The following MCM9 variants were observed in gnomAD, a reference collection of about 807,000 sequenced individuals.
MCM9 encodes the protein minichromosome maintenance 9 homologous recombination repair factor.
A neutral mutation model predicts 72.8 loss-of-function variants in MCM9; 55 were observed. The ratio of observed to expected loss-of-function variants is 0.76; its 90% CI spans 0.61 to 0.95. The LOEUF (loss-of-function observed/expected upper bound fraction) is 0.95, where lower values mean the gene tolerates loss of function less well. Ranked by LOEUF, MCM9 falls within the 40% of genes least tolerant of loss-of-function variation. The probability of loss-of-function intolerance (pLI) is 0.00; values close to 1 mark genes in which losing one functional copy is unlikely to be tolerated. For synonymous variants in MCM9, 480 were observed against 503.4 expected (o/e 0.95, Z 0.62); for missense variants, 1,279 against 1,377.0 (o/e 0.93, Z 1.13).
At chr6:118,914,469 T>C (rs1341860741) in intron 6 of MCM9, among the ~76,000 whole-genome samples, 3 of 152,154 alleles carry the variant, frequency 2.0e-5, no homozygotes, top group Non-Finnish European at 4.4e-5. Flanking sequence ...AACTAATCTA[T>C]GATGATGTGG....
chr6:118,865,601 C>G (rs1777168997), intron 8 of MCM9, among the ~76,000 whole-genome samples: 1 of 152,200 alleles, frequency 6.6e-6, no homozygotes, highest in Non-Finnish European at 1.5e-5. Flanking sequence ...TTCTAATGGA[C>G]TTGCACTGGG....
chr6:118,917,613 G>C lies in MCM9; in HGVS notation c.852C>G (p.Val284=). 6.2e-7 allele frequency: 1 copy of C among 1,614,010 alleles called. No individual in the cohort carries two copies. The stretch of plus-strand genomic sequence containing the variant: ...CCCAAAAATCTTCGAATTCCTTTTG[G>C]ACCTCCTCATCCATGATGATCCCTG... ...QSSGIIMDEE[V]QKEFEDFWEY... is the part of the protein sequence containing the mutation. Residue 284 remains valine, a synonymous_variant, in exon 6 of 14, where the codon GTC becomes GTG. Transcript: ENST00000619706.
intron 9 of MCM9, among the ~76,000 whole-genome samples, chr6:118,836,241 TC>T (rs1774949885): frequency 6.6e-6 from 1 of 152,232 alleles, no homozygotes. Flanking sequence ...GCTTCTGGAT[TC>T]AGTTTGCCAG....
chr6:118,849,845 A>G (rs959912573), intron 9 of MCM9, among the ~76,000 whole-genome samples: 1 of 151,872 alleles, frequency 6.6e-6, no homozygotes, highest in African/African-American at 2.4e-5. Flanking sequence ...ATAAACAGGC[A>G]CACATACCTA....
intron 8 of MCM9, among the ~76,000 whole-genome samples, chr6:118,871,782 C>T (rs1777613879): frequency 6.6e-6 from 1 of 151,942 alleles, no homozygotes; most frequent in Non-Finnish European, 1.5e-5. Flanking sequence ...TGTTGGGCCC[C>T]TGTAGTCCCA....
chr6:118,864,131 T>G (rs930946922), intron 8 of MCM9, among the ~76,000 whole-genome samples: 17 of 152,096 alleles, frequency 1.1e-4, no homozygotes, highest in Non-Finnish European at 2.4e-4. Flanking sequence ...TCTTTAGTGC[T>G]GATTTCTGAG....
At chr6:118,851,401 C>T (rs1184331366) in intron 9 of MCM9, among the ~76,000 whole-genome samples, 1 of 151,636 alleles carries the variant, frequency 6.6e-6, no homozygotes, top group Non-Finnish European at 1.5e-5. Context: ...ATAAAAGGTA[C>T]AAACCACTGA....
At chr6:118,856,240 G>A (rs1776545212) in intron 9 of MCM9, 131 bp downstream of exon 9, 1 of 789,060 alleles carries the variant, frequency 1.3e-6, no homozygotes. Context: ...TCTAATGTGT[G>A]TCTTGAAGGG....
At chr6:118,878,750 T>A (rs1778096646) in intron 8 of MCM9, among the ~76,000 whole-genome samples, 1 of 151,926 alleles carries the variant, frequency 6.6e-6, no homozygotes, top group Non-Finnish European at 1.5e-5. Flanking sequence ...AGAAAATATA[T>A]ATTTAATATA....
chr6:118,887,834 T>C (rs1292429053), intron 8 of MCM9, among the ~76,000 whole-genome samples: 1 of 152,098 alleles, frequency 6.6e-6, no homozygotes, highest in East Asian at 1.9e-4. Flanking sequence ...CATGGTGGCA[T>C]GCTCCTGTAG....
At chr6:118,932,102 T>C (rs1782487412) in intron 2 of MCM9, among the ~76,000 whole-genome samples, 1 of 152,234 alleles carries the variant, frequency 6.6e-6, no homozygotes, top group Admixed American at 6.5e-5. Flanking sequence ...TCTCATAAGA[T>C]TACAATACTG....
chr6:118,891,450 A>G (rs1005751664), intron 8 of MCM9, among the ~76,000 whole-genome samples: 7 of 152,330 alleles, frequency 4.6e-5, no homozygotes, highest in African/African-American at 1.7e-4. Flanking sequence ...ACTTTCTCAC[A>G]GTTCTGGAAG....
intron 8 of MCM9, among the ~76,000 whole-genome samples, chr6:118,886,600 G>A (rs954380186): frequency 7.2e-5 from 11 of 152,004 alleles, no homozygotes; most frequent in South Asian, 4.1e-4. Context: ...CATTACAATA[G>A]CATCAAAAAG....
At chr6:118,907,575 A>G in intron 8 of MCM9, 5 of 1,613,350 alleles carry the variant, frequency 3.1e-6, no homozygotes, top group Non-Finnish European at 4.2e-6. Context: ...CAGAAAACTC[A>G]CTAAATGTCA....
intron 9 of MCM9, among the ~76,000 whole-genome samples, chr6:118,835,118 T>C (rs1174062747): frequency 6.6e-6 from 1 of 152,226 alleles, no homozygotes; most frequent in Non-Finnish European, 1.5e-5. Flanking sequence ...AATTTCCCCA[T>C]TGCTTGTTTT....
chr6:118,894,497 C>T, intron 8 of MCM9: 9 of 1,537,182 alleles, frequency 5.9e-6, no homozygotes, highest in South Asian at 1.2e-5. Context: ...AGATCACCTT[C>T]GAGTGCATCG....
chr6:118,916,137 G>A (rs553146218), intron 6 of MCM9, among the ~76,000 whole-genome samples: 1 of 151,672 alleles, frequency 6.6e-6, no homozygotes, highest in African/African-American at 2.4e-5. Flanking sequence ...AGGATCGCTT[G>A]AGCCTAGGAG....
chr6:118,888,294 G>A (rs969717191), intron 8 of MCM9, among the ~76,000 whole-genome samples: 3 of 152,124 alleles, frequency 2.0e-5, no homozygotes, highest in Non-Finnish European at 4.4e-5. Context: ...AGACCATCCT[G>A]GCTAACACCG....
intron 8 of MCM9, chr6:118,910,795 C>T: frequency 1.0e-6 from 1 of 985,358 alleles, no homozygotes; most frequent in Non-Finnish European, 1.2e-6. Context: ...ATTTCAAAAC[C>T]TGAGACCTCC....
Sources: gnomAD v4.1 joint callset for allele counts (sites outside exome capture counted in the v4.1 genomes callset) on GRCh38, gnomAD v4.1.1 for gene constraint, MANE v1.5 for transcripts, NCBI Gene and HGNC (gene_info 2026-07-23, HGNC 2026-07-21) for gene names.